The following VPS35L variants were observed in gnomAD, a reference collection of about 807,000 sequenced individuals.
VPS35L encodes VPS35 endosomal protein-sorting factor-like.
A neutral mutation model predicts 133.0 loss-of-function variants in VPS35L; 83 were observed. That is an observed-to-expected ratio of 0.62 (90% CI 0.52 to 0.75). VPS35L has a LOEUF of 0.75. Ranked by LOEUF, VPS35L falls within the 30% of genes least tolerant of loss-of-function variation. VPS35L has a pLI of 0.00. For synonymous variants in VPS35L, 423 were observed against 449.9 expected (o/e 0.94, Z 0.76); for missense variants, 1,083 against 1,206.8 (o/e 0.90, Z 1.52).
At chr16:19,560,110 T>C (rs1231695578) in intron 1 of VPS35L, among the ~76,000 whole-genome samples, 1 of 152,246 alleles carries the variant, frequency 6.6e-6, no homozygotes, top group Non-Finnish European at 1.5e-5. Context: ...GTTCTCAACA[T>C]GACTTATAGA....
At chr16:19,679,933 C>G (rs988196050) in intron 27 of VPS35L, among the ~76,000 whole-genome samples, 8 of 152,196 alleles carry the variant, frequency 5.3e-5, no homozygotes, top group African/African-American at 1.9e-4. Flanking sequence ...GATATAATGG[C>G]AATGCTGCTC....
At chr16:19,579,957 T>C (rs895089822) in intron 6 of VPS35L, 2 of 151,690 alleles carry the variant, frequency 1.3e-5, no homozygotes, top group African/African-American at 2.4e-5. Flanking sequence ...CCCAGCACTT[T>C]AGGAGACCGA....
At chr16:19,608,031 CAGTT>C (rs1330096063) in intron 9 of VPS35L, 143 bp from the exon 10 acceptor site, 1 of 632,602 alleles carries the variant, frequency 1.6e-6, no homozygotes, top group African/African-American at 1.8e-5. Context: ...TTGTTATCAT[CAGTT>C]ACTTCCTAAT....
In VPS35L at chr16:19,647,835, A is replaced by T; in HGVS notation, c.1981A>T (p.Arg661Trp). The change falls in exon 24 of 31, where the codon AGG (arginine) becomes TGG (tryptophan). Residue 661 changes from arginine (R) to tryptophan (W), a missense_variant. Arg to Trp is a moderately radical substitution (Grantham distance 101, BLOSUM62 -3). Transcript: ENST00000417362. ...ACAGCTGAGTTTTTATGTTGAGTCC[A>T]GGTCGATGTTTTGCAATCTGGAGCC... Reference protein sequence around the residue: ...EQQLSFYVESRSMFCNLEPVL... With the variant: ...EQQLSFYVESWSMFCNLEPVL... 1 of 1,614,132 alleles carries T rather than the reference A, an allele frequency of 6.2e-7. No homozygotes were observed. Among genetic ancestry groups the T allele is most frequent in the East Asian group, 2.2e-5 (1 of 44,874 alleles).
At chr16:19,577,202 G>T (rs1230171865) in intron 5 of VPS35L, among the ~76,000 whole-genome samples, 1 of 152,190 alleles carries the variant, frequency 6.6e-6, no homozygotes, top group Non-Finnish European at 1.5e-5. Flanking sequence ...AAGAAGCATG[G>T]TGCAGCATCT....
Position 19,646,998 on chromosome 16 carries a change from G to A in VPS35L, c.1930-786G>A, listed in dbSNP as rs576971625. On this transcript the variant is annotated intron_variant, in intron 23 of 30. Transcript: ENST00000417362. Reference sequence around the variant, plus strand: ...CAAAGCTGACTGAGATGAAAATGACGAGATCACTTTGAAAATAACCTTGAA... The same window carrying A: ...CAAAGCTGACTGAGATGAAAATGACAAGATCACTTTGAAAATAACCTTGAA... Among the ~76,000 whole-genome samples the A allele has an allele frequency of 2.1e-3, 316 of 152,294 alleles. 1 individual carries two copies. Among genetic ancestry groups the A allele is most frequent in the African/African-American group, 7.0e-3 (289 of 41,564 alleles).
chr16:19,615,968 A>AAAT (rs10683142), intron 12 of VPS35L, 146 bp from the exon 13 acceptor site: 85,493 of 254,332 alleles, frequency 0.34, 14,818 homozygotes, highest in East Asian at 0.58. Context: ...CTCCATCTCA[A>AAAT]AATAATAATA....
At chr16:19,650,605 G>A (rs1012318648) in intron 25 of VPS35L, 146 bp downstream of exon 25, 4 of 650,094 alleles carry the variant, frequency 6.2e-6, no homozygotes, top group Non-Finnish European at 7.9e-6. Flanking sequence ...ATTTTTCCCT[G>A]TATCTATGGG....
intron 12 of VPS35L, among the ~76,000 whole-genome samples, chr16:19,613,998 G>T (rs1452152186): frequency 6.6e-6 from 1 of 152,148 alleles, no homozygotes; most frequent in Non-Finnish European, 1.5e-5. Context: ...GATGAGAAGA[G>T]AAAAACAGAA....
intron 29 of VPS35L, among the ~76,000 whole-genome samples, chr16:19,698,037 TG>T (rs1472618637): frequency 6.6e-6 from 1 of 152,338 alleles, no homozygotes; most frequent in African/African-American, 2.4e-5. Context: ...TACCCATTTT[TG>T]ATCTCACTGT....
At chr16:19,557,078 A>G (rs1970884801) in intron 1 of VPS35L, among the ~76,000 whole-genome samples, 2 of 152,044 alleles carry the variant, frequency 1.3e-5, no homozygotes, top group Admixed American at 1.3e-4. Flanking sequence ...GCTGGAGTGA[A>G]CCGAGATCAT....
At chr16:19,674,383 A>G (rs117173807) in intron 27 of VPS35L, among the ~76,000 whole-genome samples, 8,429 of 150,632 alleles carry the variant, frequency 0.056, 442 homozygotes, top group East Asian at 0.21. Flanking sequence ...TTTAGTAGAG[A>G]CAGGATTTCA....
chr16:19,683,860 C>CT (rs1218353334), intron 28 of VPS35L, among the ~76,000 whole-genome samples: 1 of 152,206 alleles, frequency 6.6e-6, no homozygotes, highest in Non-Finnish European at 1.5e-5. Flanking sequence ...GTTTTCAATT[C>CT]TTTGAGAAAT....
At chr16:19,560,431 TCA>T (rs1157776204) in intron 1 of VPS35L, among the ~76,000 whole-genome samples, 2 of 152,212 alleles carry the variant, frequency 1.3e-5, no homozygotes, top group African/African-American at 4.8e-5. Flanking sequence ...GACTTTCCTG[TCA>T]CATTCAATTT....
rs570577224 is a variant in VPS35L at position 19,589,170 on chromosome 16, A to T, written c.640-2620A>T. Among the ~76,000 whole-genome samples, 6 of 152,206 alleles carry T rather than the reference A, an allele frequency of 3.9e-5. No individual in the cohort carries two copies. In the South Asian group the frequency reaches 8.3e-4, roughly 21 times the overall value. The stretch of plus-strand genomic sequence containing the variant: ...TTGCAATTTTTAAGATGTATTCTGG[A>T]TAGTAATGGTCTACTTCTTTCCTTC... On this transcript the variant is annotated intron_variant, in intron 7 of 30. Coordinates refer to ENST00000417362, the MANE Select transcript of VPS35L (RefSeq NM_020314.7).
At chr16:19,665,297 G>T (rs574073143) in intron 26 of VPS35L, among the ~76,000 whole-genome samples, 7 of 151,948 alleles carry the variant, frequency 4.6e-5, no homozygotes, top group Admixed American at 2.6e-4. Context: ...TATTTTGTAC[G>T]CAGTAACCAT....
intron 1 of VPS35L, among the ~76,000 whole-genome samples, chr16:19,563,465 G>A (rs1380304198): frequency 6.6e-6 from 1 of 152,082 alleles, no homozygotes; most frequent in African/African-American, 2.4e-5. Context: ...TCTTTCTTTG[G>A]TTTTGGAAAA....
At chr16:19,611,615 A>G (rs1160141589) in intron 12 of VPS35L, 1 of 152,172 alleles carries the variant, frequency 6.6e-6, no homozygotes, top group East Asian at 1.9e-4. Context: ...CAGTGCCCTC[A>G]GAGTGAGGAG....
chr16:19,614,034 G>A (rs547063592), intron 12 of VPS35L, among the ~76,000 whole-genome samples: 13 of 151,902 alleles, frequency 8.6e-5, no homozygotes, highest in Admixed American at 7.2e-4. Flanking sequence ...TGGGTAGAGC[G>A]TGGGGGGAGC....
Sources: allele counts gnomAD v4.1 joint callset (sites outside exome capture counted in the v4.1 genomes callset), GRCh38; gene constraint gnomAD v4.1.1; transcripts MANE v1.5; gene names NCBI Gene and HGNC (gene_info 2026-07-23, HGNC 2026-07-21).